WWOX: variants seen among roughly 807,000 people sequenced by gnomAD.
WWOX encodes the protein WW domain containing oxidoreductase, also known as WW domain-containing oxidoreductase.
In WWOX, 69 loss-of-function variants were observed where a neutral mutation model predicts 46.2. The observed-to-expected ratio is 1.49, with a 90% CI of 1.23 to 1.82. The LOEUF is 1.82. Among genes scored for constraint, WWOX ranks in the 40% most tolerant of loss-of-function variants. The pLI, the probability that WWOX is intolerant of heterozygous loss-of-function variation, is 0.00. For synonymous variants in WWOX, 359 were observed against 202.6 expected (o/e 1.77, Z -6.56); for missense variants, 919 against 542.6 (o/e 1.69, Z -6.89).
intron 8 of WWOX, among the ~76,000 whole-genome samples, chr16:78,943,474 C>T (rs1335770428): frequency 6.6e-6 from 1 of 152,068 alleles, no homozygotes; most frequent in Non-Finnish European, 1.5e-5. Flanking sequence ...GGCACATAAA[C>T]TTGCAGAGCA....
At chr16:78,414,882 C>A (rs900533746) in intron 6 of WWOX, among the ~76,000 whole-genome samples, 1 of 151,940 alleles carries the variant, frequency 6.6e-6, no homozygotes, top group African/African-American at 2.4e-5. Flanking sequence ...GAAACGGGTC[C>A]CAATCTAGAC....
chr16:79,126,486 G>C (rs1339338509), intron 8 of WWOX, among the ~76,000 whole-genome samples: 29 of 152,254 alleles, frequency 1.9e-4, no homozygotes, highest in Non-Finnish European at 2.9e-5. Flanking sequence ...GTGTTTGGTA[G>C]TTCGTTCTGT....
At chr16:79,155,534 A>T (rs553952637) in intron 8 of WWOX, among the ~76,000 whole-genome samples, 1 of 114,618 alleles carries the variant, frequency 8.7e-6, no homozygotes, top group South Asian at 2.3e-4. Flanking sequence ...CGTAGACCAT[A>T]AAAAAACAGC....
chr16:78,655,014 G>A (rs958748892), intron 8 of WWOX, among the ~76,000 whole-genome samples: 1 of 152,062 alleles, frequency 6.6e-6, no homozygotes. Flanking sequence ...TTTACATTTT[G>A]TGTCGGTACT....
chr16:79,066,496 G>A (rs1282293963), intron 8 of WWOX, among the ~76,000 whole-genome samples: 2 of 152,102 alleles, frequency 1.3e-5, no homozygotes, highest in East Asian at 3.9e-4. Context: ...AAGGAAGGAA[G>A]GGGGAAGGGA....
At chr16:78,867,809 C>G (rs151152475) in intron 8 of WWOX, among the ~76,000 whole-genome samples, 1 of 152,256 alleles carries the variant, frequency 6.6e-6, no homozygotes, top group African/African-American at 2.4e-5. Context: ...GACCTCATCG[C>G]TGCCACTGTA....
chr16:78,796,496 A>C (rs1186206559), intron 8 of WWOX, among the ~76,000 whole-genome samples: 1 of 152,260 alleles, frequency 6.6e-6, no homozygotes, highest in African/African-American at 2.4e-5. Context: ...TAGTCTGGTG[A>C]TGCCTCGAGG....
At chr16:78,184,173 A>C (rs528453714) in intron 5 of WWOX, among the ~76,000 whole-genome samples, 1 of 152,226 alleles carries the variant, frequency 6.6e-6, no homozygotes, top group African/African-American at 2.4e-5. Context: ...GCTTCTCTGT[A>C]GGAGGATTTT....
At chr16:79,085,576 C>G (rs1020341505) in intron 8 of WWOX, among the ~76,000 whole-genome samples, 13 of 152,120 alleles carry the variant, frequency 8.5e-5, no homozygotes, top group Admixed American at 5.2e-4. Flanking sequence ...TAGGTTGAGT[C>G]TACTCAAAGA....
At chr16:78,765,949 C>A (rs981600195) in intron 8 of WWOX, among the ~76,000 whole-genome samples, 2 of 152,116 alleles carry the variant, frequency 1.3e-5, no homozygotes, top group African/African-American at 4.8e-5. Context: ...TCAGGGATCC[C>A]AGTGGCTTGA....
At position 78,706,058 on chromosome 16, in the gene WWOX, G is replaced by GTTTTTT. The variant is rs3051058; in HGVS notation, c.1056+273322_1056+273327dup. On this transcript the variant is annotated intron_variant, in intron 8 of 8. Transcript: ENST00000566780. The stretch of plus-strand genomic sequence containing the variant: ...TTGTCTCCAGTCAGAGTTATGGCAG[G>GTTTTTT]TTTTTTTTTTTTTTTTTTTTTGACT... Among the ~76,000 whole-genome samples, 504 of 106,402 alleles carry GTTTTTT rather than the reference G, an allele frequency of 4.7e-3. 18 individuals are homozygous for GTTTTTT. The highest frequency in any genetic ancestry group is 7.2e-3 in the Non-Finnish European group (405 of 56,522). 69.8% of individuals were successfully genotyped at this position (106,402 alleles called of 152,430 possible). A position where few individuals can be genotyped will look rare whatever the true frequency, so the allele number is the denominator to read the frequency against.
At chr16:78,706,039 C>T (rs916907462) in intron 8 of WWOX, among the ~76,000 whole-genome samples, 2 of 144,380 alleles carry the variant, frequency 1.4e-5, no homozygotes, top group African/African-American at 5.1e-5. Context: ...TACTTTGTCT[C>T]CAGTCAGAGT....
chr16:78,796,077 GC>G (rs757596096), intron 8 of WWOX, among the ~76,000 whole-genome samples: 3 of 152,156 alleles, frequency 2.0e-5, no homozygotes, highest in Non-Finnish European at 2.9e-5. Flanking sequence ...CTTTAGACTG[GC>G]TAAGAGAATG....
intron 8 of WWOX, among the ~76,000 whole-genome samples, chr16:78,789,979 A>T (rs568286578): frequency 6.6e-6 from 1 of 152,188 alleles, no homozygotes; most frequent in Non-Finnish European, 1.5e-5. Flanking sequence ...AGTTTCCCTG[A>T]CTATAAAATG....
intron 4 of WWOX, among the ~76,000 whole-genome samples, chr16:78,150,484 T>C (rs2034365830): frequency 6.6e-6 from 1 of 152,134 alleles, no homozygotes; most frequent in African/African-American, 2.4e-5. Context: ...GCTAAAGCCA[T>C]CCTCCTGCCT....
At chr16:78,859,536 G>T (rs1385622417) in intron 8 of WWOX, among the ~76,000 whole-genome samples, 4 of 152,148 alleles carry the variant, frequency 2.6e-5, no homozygotes, top group African/African-American at 9.7e-5. Context: ...CAGAGGGCAT[G>T]TTGCTGTTAG....
chr16:78,442,240 G>T (rs13335528), intron 8 of WWOX, among the ~76,000 whole-genome samples: 1 of 151,918 alleles, frequency 6.6e-6, no homozygotes, highest in African/African-American at 2.4e-5. Context: ...TTAACACATC[G>T]GTCAACTTAC....
chr16:78,785,130 A>G (rs1165969891), intron 8 of WWOX, among the ~76,000 whole-genome samples: 2 of 152,234 alleles, frequency 1.3e-5, no homozygotes, highest in Admixed American at 6.5e-5. Flanking sequence ...CAATACTAGT[A>G]TGTAAAACTA....
chr16:78,956,921 T>G (rs1270575907), intron 8 of WWOX, among the ~76,000 whole-genome samples: 2 of 152,142 alleles, frequency 1.3e-5, no homozygotes, highest in East Asian at 3.9e-4. Context: ...GTAAAGAAAG[T>G]TTGCTACTGT....
Sources: allele counts gnomAD v4.1 joint callset (sites outside exome capture counted in the v4.1 genomes callset), GRCh38; gene constraint gnomAD v4.1.1; transcripts MANE v1.5; gene names NCBI Gene and HGNC (gene_info 2026-07-23, HGNC 2026-07-21).